The following WNT8A variants were observed in gnomAD, a reference collection of about 807,000 sequenced individuals.
The protein encoded by WNT8A is Wnt family member 8A.
Under a neutral mutation model 20.5 loss-of-function variants are expected in WNT8A, and 14 were observed. The observed-to-expected ratio is 0.68, with a 90% confidence interval of 0.45 to 1.07. WNT8A has a LOEUF of 1.07. Among genes scored for constraint, WNT8A ranks in the 50% least tolerant of loss-of-function variants. The pLI, the probability that WNT8A is intolerant of heterozygous loss-of-function variation, is 0.00. For missense variants in WNT8A, 397 were observed against 462.9 expected (o/e 0.86, Z 1.31); for synonymous variants, 167 against 169.2 (o/e 0.99, Z 0.10).
chr5:138,088,948 G>C lies in WNT8A; in HGVS notation c.443G>C (p.Gly148Ala). 6.2e-7 allele frequency: 1 copy of C among 1,614,036 alleles called. No homozygotes were observed. Among genetic ancestry groups the C allele is most frequent in the Non-Finnish European group, 8.5e-7 (1 of 1,180,018 alleles). ...ATAGGAGGCCATGGCTGGATCTGGG[G>C]AGGCTGCAGCGACAATGTGGAATTT... ...GKTGGHGWIW[G>A]GCSDNVEFGE... Residue 148 changes from glycine to alanine, a missense_variant, in exon 4 of 5, where the codon GGA becomes GCA. Coordinates refer to ENST00000506684, the MANE Select transcript of WNT8A (RefSeq NM_001300939.2).
In WNT8A at chr5:138,091,276, C is replaced by T; in HGVS notation, c.*203C>T. The stretch of plus-strand genomic sequence containing the variant: ...GGGGCTGAAATTGGAACCTGGGCCT[C>T]CTGACTTTGGCAGACCCCCATTTCA... On this transcript the variant is annotated 3_prime_UTR_variant, in exon 5 of 5. Transcript: ENST00000506684. 6.4e-7 allele frequency: 1 copy of T among 1,568,938 alleles called. No individual in the cohort carries two copies. The highest frequency in any genetic ancestry group is 8.6e-7 in the Non-Finnish European group (1 of 1,163,310).
chr5:138,084,802 C>T (rs1396874703), intron 2 of WNT8A, among the ~76,000 whole-genome samples, 166 bp downstream of exon 2: 1 of 152,202 alleles, frequency 6.6e-6, no homozygotes, highest in Non-Finnish European at 1.5e-5. Context: ...AAATTACCTA[C>T]CCTCTCTCAG....
chr5:138,090,591 C>T lies in WNT8A; in HGVS notation c.628C>T (p.Gln210Ter). The change falls in exon 5 of 5, where the codon CAG becomes TAG. Residue 210 changes from glutamine to a stop codon, truncating the protein, a stop_gained. Transcript: ENST00000506684. LOFTEE classifies it low-confidence loss of function (END_TRUNC). ...TGGCATCTCTGGGAGCTGCAGCATA[C>T]AGACATGCTGGCTGCAGCTGGCTGA... is the stretch of plus-strand genomic sequence containing the variant. ...CHGISGSCSI[Q>*]TCWLQLAEFR... The T allele has an allele frequency of 6.2e-7, 1 of 1,614,224 alleles. No homozygotes were observed. The highest frequency in any genetic ancestry group is 1.1e-5 in the South Asian group (1 of 91,084).
In WNT8A at chr5:138,084,267, T is replaced by C. The variant is rs751943981; in HGVS notation, c.140T>C (p.Leu47Pro). ...SLFGRSVNNF[L>P]ITGPKAYLTY... The stretch of plus-strand genomic sequence containing the variant: ...TTTGGTAGGTCAGTGAACAATTTCC[T>C]GATAACAGGTCCCAAGGTAGGATGA... The change falls in exon 1 of 5, where the codon CTG becomes CCG. Residue 47 changes from leucine (L) to proline (P), a missense_variant. By Grantham distance (98) the Leu-to-Pro change is moderately conservative. Coordinates refer to ENST00000506684, the MANE Select transcript of WNT8A (RefSeq NM_001300939.2). The C allele has an allele frequency of 1.9e-6, 3 of 1,614,194 alleles. No individual in the cohort carries two copies. Among genetic ancestry groups the C allele is most frequent in the Non-Finnish European group, 2.5e-6 (3 of 1,180,034 alleles).
rs1188350368 is a variant in WNT8A at position 138,090,661 on chromosome 5, C to T, written c.698C>T (p.Ala233Val). ...GDYLKAKYDQ[A>V]LKIEMDKRQL... ...TACCTAAAGGCCAAGTATGACCAGG[C>T]GCTGAAAATTGAAATGGATAAGCGG... The change falls in exon 5 of 5, where the codon GCG becomes GTG. Residue 233 changes from alanine (A) to valine (V), a missense_variant. By Grantham distance (64) the Ala-to-Val change is moderately conservative (BLOSUM62 0). Transcript: ENST00000506684. 27 of 1,614,072 alleles carry T rather than the reference C, an allele frequency of 1.7e-5. No individual in the cohort carries two copies. Among genetic ancestry groups the T allele is most frequent in the African/African-American group, 5.3e-5 (4 of 74,920 alleles).
chr5:138,088,020 A>G (rs1407573660), intron 3 of WNT8A, 89 bp downstream of exon 3: 1 of 1,558,596 alleles, frequency 6.4e-7, no homozygotes, highest in Non-Finnish European at 8.7e-7. Flanking sequence ...AGGCTGAGGG[A>G]CACAGCTCCC....
intron 2 of WNT8A, among the ~76,000 whole-genome samples, chr5:138,086,905 G>A (rs1215017931): frequency 6.7e-6 from 1 of 149,800 alleles, no homozygotes; most frequent in African/African-American, 2.5e-5. Context: ...AAATAGCCGG[G>A]TGTGGTAGCA....
At chr5:138,090,040 C>G (rs1373361059) in intron 4 of WNT8A, among the ~76,000 whole-genome samples, 1 of 152,154 alleles carries the variant, frequency 6.6e-6, no homozygotes, top group East Asian at 1.9e-4. Flanking sequence ...TCAAGGAGCT[C>G]CCTCCCCTCT....
At position 138,090,772 on chromosome 5, in the gene WNT8A, T is replaced by G; in HGVS notation, c.809T>G (p.Leu270Ter). Reference protein sequence around the residue: ...LPSAEAELIFLEESPDYCTCN... With the variant: ...LPSAEAELIF ...AGCGCAGAGGCGGAACTGATCTTTT[T>G]AGAGGAATCACCAGATTACTGTACC... Residue 270 changes from leucine (L) to a stop codon, truncating the protein, a stop_gained, in exon 5 of 5, where the codon TTA (leucine) becomes TGA (stop). Transcript: ENST00000506684. LOFTEE classifies it low-confidence loss of function (END_TRUNC). The G allele has an allele frequency of 6.2e-7, 1 of 1,614,208 alleles. No individual in the cohort carries two copies. Among genetic ancestry groups the G allele is most frequent in the East Asian group, 2.2e-5 (1 of 44,884 alleles).
At chr5:138,080,333 AC>A (rs368040557), upstream of WNT8A, among the ~76,000 whole-genome samples, 46 of 150,240 alleles carry the variant, frequency 3.1e-4, no homozygotes, top group Middle Eastern at 3.5e-3. Flanking sequence ...AAAAAAAAAA[AC>A]AAAAAACCGC....
In WNT8A at chr5:138,091,218, T is replaced by C. The variant is rs1173750078; in HGVS notation, c.*145T>C. ...TGATATCTGCTATCAGTGGGGAAAA[T>C]GGAGGCCCAAGATTCTACAGCATAT... On this transcript the variant is annotated 3_prime_UTR_variant, in exon 5 of 5. Transcript: ENST00000506684. The C allele has an allele frequency of 1.9e-6, 3 of 1,544,670 alleles. No individual in the cohort carries two copies. Among genetic ancestry groups the C allele is most frequent in the Non-Finnish European group, 2.6e-6 (3 of 1,157,514 alleles).
chr5:138,083,546 G>A, upstream of WNT8A, among the ~76,000 whole-genome samples: 1 of 152,194 alleles, frequency 6.6e-6, no homozygotes, highest in Non-Finnish European at 1.5e-5. Context: ...GGAAGTGGTA[G>A]GGATGGCGCA....
In WNT8A at chr5:138,090,759, G is replaced by T. The variant is rs1346059436; in HGVS notation, c.796G>T (p.Glu266Ter). 2 of 1,614,208 alleles carry T rather than the reference G, an allele frequency of 1.2e-6. No homozygotes were observed. Among genetic ancestry groups the T allele is most frequent in the Admixed American group, 3.3e-5 (2 of 60,018 alleles). ...AEAFLPSAEA[E>*]LIFLEESPDY... Reference sequence around the variant, plus strand: ...GGCCTTCCTTCCTAGCGCAGAGGCGGAACTGATCTTTTTAGAGGAATCACC... The same window carrying T: ...GGCCTTCCTTCCTAGCGCAGAGGCGTAACTGATCTTTTTAGAGGAATCACC... The change falls in exon 5 of 5, where the codon GAA becomes TAA. Residue 266 changes from glutamate (E) to a stop codon, truncating the protein, a stop_gained. Transcript: ENST00000506684. LOFTEE classifies it low-confidence loss of function (END_TRUNC).
At chr5:138,088,219 A>G (rs1750734143) in intron 3 of WNT8A, among the ~76,000 whole-genome samples, 1 of 152,206 alleles carries the variant, frequency 6.6e-6, no homozygotes, top group African/African-American at 2.4e-5. Flanking sequence ...TGGTTCATCC[A>G]TAATCTAGAG....
upstream of WNT8A, among the ~76,000 whole-genome samples, chr5:138,080,004 G>A (rs368753259): frequency 1.4e-4 from 22 of 152,176 alleles, no homozygotes; most frequent in Middle Eastern, 3.4e-3. Context: ...TCATCTAATC[G>A]TCAACTACAG....
Position 138,090,763 on chromosome 5 carries a change from T to G in WNT8A, c.800T>G (p.Leu267Arg). Residue 267 changes from leucine to arginine, a missense_variant, in exon 5 of 5, where the codon CTG becomes CGG. By Grantham distance (102) the Leu-to-Arg change is moderately radical. Transcript: ENST00000506684. ...EAFLPSAEAELIFLEESPDYC... is the reference protein window; with the variant it reads ...EAFLPSAEAERIFLEESPDYC... ...TTCCTTCCTAGCGCAGAGGCGGAAC[T>G]GATCTTTTTAGAGGAATCACCAGAT... 1 of 1,614,230 alleles carries G rather than the reference T, an allele frequency of 6.2e-7. No homozygotes were observed. The highest frequency in any genetic ancestry group is 8.5e-7 in the Non-Finnish European group (1 of 1,180,046).
chr5:138,078,497 G>C, the WNT8A span, among the ~76,000 whole-genome samples: 2 of 152,310 alleles, frequency 1.3e-5, no homozygotes, highest in South Asian at 2.1e-4. Flanking sequence ...GCTGAGGATC[G>C]AAGGATTTGG....
At chr5:138,085,667 A>G (rs1031914655) in intron 2 of WNT8A, among the ~76,000 whole-genome samples, 2 of 151,986 alleles carry the variant, frequency 1.3e-5, no homozygotes, top group Non-Finnish European at 2.9e-5. Context: ...TGGGCAACAT[A>G]GCAAGACCTC....
At chr5:138,084,014 AG>A, upstream of WNT8A, 1 of 1,382,520 alleles carries the variant, frequency 7.2e-7, no homozygotes, top group Non-Finnish European at 1.0e-6. Flanking sequence ...ATAAATACTG[AG>A]GAAGACCCTG....
Sources: allele counts gnomAD v4.1 joint callset (sites outside exome capture counted in the v4.1 genomes callset), GRCh38; gene constraint gnomAD v4.1.1; transcripts MANE v1.5; gene names NCBI Gene and HGNC (gene_info 2026-07-23, HGNC 2026-07-21).